The following PDE4D variants were observed in gnomAD, a reference collection of about 807,000 sequenced individuals.
The protein encoded by PDE4D is 3',5'-cyclic-AMP phosphodiesterase 4D.
A neutral mutation model predicts 87.4 loss-of-function variants in PDE4D; 24 were observed. That is an observed-to-expected ratio of 0.27 (90% CI 0.20 to 0.39). PDE4D has a LOEUF of 0.39. PDE4D is among the 10% of genes least tolerant of loss of function. The pLI, the probability that PDE4D is intolerant of heterozygous loss-of-function variation, is 1.00. For synonymous variants in PDE4D, 384 were observed against 383.2 expected (o/e 1.00, Z -0.02); for missense variants, 714 against 1,041.0 (o/e 0.69, Z 4.32).
chr5:60,295,520 C>T (rs992463234), intron 1 of PDE4D, among the ~76,000 whole-genome samples: 4 of 152,116 alleles, frequency 2.6e-5, no homozygotes, highest in African/African-American at 9.7e-5. Flanking sequence ...ACAGATGACT[C>T]CTTGCTGGGA....
intron 1 of PDE4D, among the ~76,000 whole-genome samples, chr5:59,841,158 A>T (rs1439158765): frequency 6.6e-6 from 1 of 152,104 alleles, no homozygotes. Context: ...AATGAAGGAC[A>T]GTGGGGACTT....
intron 1 of PDE4D, among the ~76,000 whole-genome samples, chr5:59,740,770 C>G (rs1373676819): frequency 1.3e-5 from 2 of 152,132 alleles, no homozygotes; most frequent in Non-Finnish European, 2.9e-5. Context: ...ACCCAACACT[C>G]TCCTTTTAAA....
intron 1 of PDE4D, among the ~76,000 whole-genome samples, chr5:59,472,925 C>T (rs1802676624): frequency 6.6e-6 from 1 of 151,988 alleles, no homozygotes; most frequent in African/African-American, 2.4e-5. Flanking sequence ...AGATTACTTT[C>T]TTACTTACAT....
At chr5:58,986,565 G>A (rs1393856150) in intron 11 of PDE4D, among the ~76,000 whole-genome samples, 1 of 152,162 alleles carries the variant, frequency 6.6e-6, no homozygotes, top group Non-Finnish European at 1.5e-5. Flanking sequence ...TCCTAGGAGC[G>A]TGAACCCTAC....
At chr5:59,473,177 A>G (rs906151226) in intron 1 of PDE4D, among the ~76,000 whole-genome samples, 1 of 151,978 alleles carries the variant, frequency 6.6e-6, no homozygotes, top group Non-Finnish European at 1.5e-5. Flanking sequence ...AGACTGTTTC[A>G]GGTCTTTTGC....
chr5:59,550,987 C>T (rs1284783258), intron 1 of PDE4D, among the ~76,000 whole-genome samples: 2 of 152,078 alleles, frequency 1.3e-5, no homozygotes, highest in Non-Finnish European at 2.9e-5. Context: ...TGAGCCACCC[C>T]ACCTGGACGA....
chr5:59,220,043 G>T (rs567680524), intron 1 of PDE4D, among the ~76,000 whole-genome samples: 12 of 152,276 alleles, frequency 7.9e-5, no homozygotes, highest in African/African-American at 2.6e-4. Context: ...CAACCTAATA[G>T]GTAGGGATGG....
intron 2 of PDE4D, among the ~76,000 whole-genome samples, chr5:59,989,113 T>C (rs765025374): frequency 6.0e-5 from 8 of 133,508 alleles, no homozygotes; most frequent in Middle Eastern, 3.6e-3. Flanking sequence ...TATATATATA[T>C]ATACACACAC....
At chr5:60,105,823 G>A (rs1005373721) in intron 2 of PDE4D, among the ~76,000 whole-genome samples, 6 of 152,118 alleles carry the variant, frequency 3.9e-5, no homozygotes, top group Admixed American at 1.3e-4. Context: ...GAGAGATTTT[G>A]TCACCACCAG....
intron 5 of PDE4D, among the ~76,000 whole-genome samples, chr5:59,177,445 GTATTAAGTGC>G (rs1784074612): frequency 1.3e-5 from 2 of 152,176 alleles, no homozygotes; most frequent in Admixed American, 1.3e-4. Flanking sequence ...TTAAAAAGAT[GTATTAAGTGC>G]TGGTTCTGTG....
chr5:59,936,867 T>C (rs1166809723), intron 3 of PDE4D, among the ~76,000 whole-genome samples: 1 of 152,122 alleles, frequency 6.6e-6, no homozygotes, highest in Non-Finnish European at 1.5e-5. Context: ...AAGATAAGAA[T>C]GGCTTAGAAA....
chr5:59,638,743 G>A (rs1271760064), intron 1 of PDE4D, among the ~76,000 whole-genome samples: 1 of 151,884 alleles, frequency 6.6e-6, no homozygotes, highest in Non-Finnish European at 1.5e-5. Context: ...AGAGGGAATA[G>A]GACATAGTGG....
intron 1 of PDE4D, among the ~76,000 whole-genome samples, chr5:59,377,345 A>G (rs1784896565): frequency 1.3e-5 from 2 of 151,574 alleles, no homozygotes; most frequent in African/African-American, 4.8e-5. Context: ...TGAACCCAGG[A>G]GGAGGAGGTT....
chr5:60,033,775 G>A (rs903626204), intron 2 of PDE4D, among the ~76,000 whole-genome samples: 10 of 152,166 alleles, frequency 6.6e-5, no homozygotes, highest in Admixed American at 2.6e-4. Flanking sequence ...TTAGAACACA[G>A]TTGTCAATAC....
chr5:59,434,586 C>T (rs1796544987), intron 1 of PDE4D, among the ~76,000 whole-genome samples: 1 of 152,096 alleles, frequency 6.6e-6, no homozygotes, highest in African/African-American at 2.4e-5. Context: ...ACTCCCACCT[C>T]TTTATTCAGA....
At chr5:60,386,080 A>G (rs1164539803) in intron 1 of PDE4D, among the ~76,000 whole-genome samples, 1 of 152,226 alleles carries the variant, frequency 6.6e-6, no homozygotes, top group Non-Finnish European at 1.5e-5. Context: ...AAATTAAATA[A>G]TAATAATTCC....
chr5:59,967,200 G>C (rs1285311866), intron 3 of PDE4D, among the ~76,000 whole-genome samples: 1 of 151,990 alleles, frequency 6.6e-6, no homozygotes, highest in Non-Finnish European at 1.5e-5. Flanking sequence ...TTCAGAAAGA[G>C]GGAAGTAACT....
At chr5:59,358,959 A>T (rs1781804327) in intron 1 of PDE4D, among the ~76,000 whole-genome samples, 1 of 152,214 alleles carries the variant, frequency 6.6e-6, no homozygotes, top group Non-Finnish European at 1.5e-5. Context: ...AATTTTACTG[A>T]TAGCAAGATA....
At chr5:59,996,595 C>G (rs1024184390) in intron 2 of PDE4D, among the ~76,000 whole-genome samples, 3 of 152,158 alleles carry the variant, frequency 2.0e-5, no homozygotes, top group African/African-American at 7.2e-5. Context: ...TTAAATTTCT[C>G]TAAGCCTTAT....
Sources: gnomAD v4.1 joint callset for allele counts (sites outside exome capture counted in the v4.1 genomes callset) on GRCh38, gnomAD v4.1.1 for gene constraint, MANE v1.5 for transcripts, NCBI Gene and HGNC (gene_info 2026-07-23, HGNC 2026-07-21) for gene names.